DNAH8: variants seen among roughly 807,000 people sequenced by gnomAD.
DNAH8 encodes the protein dynein axonemal heavy chain 8, also known as axonemal beta dynein heavy chain 8.
In DNAH8, 382 loss-of-function variants were observed where a neutral mutation model predicts 562.1. The ratio of observed to expected loss-of-function variants is 0.68; its 90% CI spans 0.63 to 0.74. The LOEUF (loss-of-function observed/expected upper bound fraction) is 0.74, where lower values mean the gene tolerates loss of function less well. Ranked by LOEUF, DNAH8 falls within the 30% of genes least tolerant of loss-of-function variation. The pLI, the probability that DNAH8 is intolerant of heterozygous loss-of-function variation, is 0.00. For missense variants in DNAH8, 5,203 were observed against 5,620.4 expected, an observed-to-expected ratio of 0.93 and a Z score of 2.37; for synonymous variants, 1,881 against 1,919.4, an observed-to-expected ratio of 0.98 and a Z score of 0.52.
intron 58 of DNAH8, among the ~76,000 whole-genome samples, chr6:38,894,171 C>G (rs144192318): frequency 9.1e-4 from 139 of 152,282 alleles, no homozygotes; most frequent in African/African-American, 2.9e-3. Flanking sequence ...TGGATCCACA[C>G]AGTAAAATCC....
chr6:38,857,894 T>G (rs889687645), intron 42 of DNAH8, 152 bp downstream of exon 42: 1 of 610,026 alleles, frequency 1.6e-6, no homozygotes, highest in South Asian at 2.2e-5. Flanking sequence ...TATTTCTGTA[T>G]TGGATGGCTT....
At chr6:39,010,820 C>CGTATGTAT (rs1554163117) in intron 89 of DNAH8, among the ~76,000 whole-genome samples, 101 of 132,828 alleles carry the variant, frequency 7.6e-4, no homozygotes, top group African/African-American at 2.5e-3. Flanking sequence ...CACACACACA[C>CGTATGTAT]GTATGTATGT....
At chr6:38,780,095 A>C in intron 15 of DNAH8, 30 bp downstream of exon 15, 6 of 1,588,012 alleles carry the variant, frequency 3.8e-6, no homozygotes, top group Non-Finnish European at 5.2e-6. Context: ...ATAAAATGGT[A>C]CATTAGCACA....
At chr6:38,774,825 C>T (rs1738265) in intron 12 of DNAH8, among the ~76,000 whole-genome samples, 6 of 152,080 alleles carry the variant, frequency 3.9e-5, no homozygotes, top group East Asian at 3.9e-4. Context: ...ATAGAGCATG[C>T]GCAGCATGCT....
intron 17 of DNAH8, among the ~76,000 whole-genome samples, chr6:38,783,840 G>A (rs1404981700): frequency 1.3e-5 from 2 of 152,072 alleles, no homozygotes; most frequent in Non-Finnish European, 2.9e-5. Context: ...CGTGACCTTG[G>A]TGGACCCCTT....
intron 68 of DNAH8, among the ~76,000 whole-genome samples, chr6:38,916,641 A>G (rs1036472271): frequency 2.6e-5 from 4 of 152,204 alleles, no homozygotes; most frequent in South Asian, 2.1e-4. Context: ...ACTGTAACGT[A>G]CAAAAGGAAG....
chr6:38,786,611 G>A (rs955882223), intron 17 of DNAH8, among the ~76,000 whole-genome samples, 154 bp from the exon 18 acceptor site: 27 of 152,208 alleles, frequency 1.8e-4, no homozygotes, highest in African/African-American at 6.0e-4. Context: ...TATTCACTAT[G>A]TGCCAGACGC....
chr6:38,832,319 T>C lies in DNAH8; in HGVS notation c.4189-3T>C. The stretch of plus-strand genomic sequence containing the variant: ...TCAGGTTGAATATTCTTTTTTATTG[T>C]AGGTTTCAGTACAAGAGGACCTAGT... On this transcript the variant is annotated splice_region_variant and splice_polypyrimidine_tract_variant and intron_variant, in intron 30 of 92. Coordinates refer to ENST00000327475, the MANE Select transcript of DNAH8 (RefSeq NM_001206927.2). 1 of 1,578,698 alleles carries C rather than the reference T, an allele frequency of 6.3e-7. No homozygotes were observed. The highest frequency in any genetic ancestry group is 8.7e-7 in the Non-Finnish European group (1 of 1,150,196).
At position 39,030,711 on chromosome 6, in the gene DNAH8, C is replaced by T. The variant is rs992073032; in HGVS notation, c.*319C>T. On this transcript the variant is annotated 3_prime_UTR_variant, in exon 93 of 93. Coordinates refer to ENST00000327475, the MANE Select transcript of DNAH8 (RefSeq NM_001206927.2). ...AAAATTTGAAAGTGTTGATATGTGACATCCTAAAAAGAGCCTAGTAGTTGT... is the reference window on the plus strand; with the variant it reads ...AAAATTTGAAAGTGTTGATATGTGATATCCTAAAAAGAGCCTAGTAGTTGT... 6.6e-6 allele frequency among the ~76,000 whole-genome samples: 1 copy of T among 152,178 alleles called. No individual in the cohort carries two copies. Among genetic ancestry groups the T allele is most frequent in the Non-Finnish European group, 1.5e-5 (1 of 68,038 alleles).
chr6:38,853,395 A>G, intron 41 of DNAH8, 48 bp downstream of exon 41: 1 of 1,590,956 alleles, frequency 6.3e-7, no homozygotes, highest in Non-Finnish European at 8.6e-7. Flanking sequence ...ATGGAAATAA[A>G]GGGGAAGGAT....
chr6:38,776,041 A>T (rs184781193), intron 13 of DNAH8, 90 bp downstream of exon 13: 110 of 804,412 alleles, frequency 1.4e-4, no homozygotes, highest in African/African-American at 1.3e-3. Context: ...ACATGTAGTA[A>T]GTGTTTCTAT....
At chr6:38,715,875 A>G (rs1207948643) in intron 1 of DNAH8, among the ~76,000 whole-genome samples, 2 of 134,812 alleles carry the variant, frequency 1.5e-5, no homozygotes, top group Non-Finnish European at 3.3e-5. Flanking sequence ...ATCCATGTAA[A>G]AAAACCACCT....
At chr6:38,761,115 T>G (rs1766457735) in intron 10 of DNAH8, among the ~76,000 whole-genome samples, 1 of 150,664 alleles carries the variant, frequency 6.6e-6, no homozygotes, top group South Asian at 2.1e-4. Flanking sequence ...ATTTTAAATT[T>G]TATTATTATT....
chr6:38,873,107 A>C lies in DNAH8; in HGVS notation c.7439A>C (p.Tyr2480Ser). Residue 2480 changes from tyrosine (Y) to serine (S), a missense_variant, in exon 51 of 93, where the codon TAT (tyrosine) becomes TCT (serine). Around this residue, in one of 6 missense-constraint regions of DNAH8, gnomAD observed 977 missense variants for 1,061.8 expected, o/e 0.92. Transcript: ENST00000327475. ...ACGGTTTCTAGGATGGGCATGGTCT[A>C]TATCAGCAGCTCTGCTCTCAGCTGG... ...PATVSRMGMV[Y>S]ISSSALSWRP... The C allele has an allele frequency of 6.2e-7, 1 of 1,613,906 alleles. No individual in the cohort carries two copies. Among genetic ancestry groups the C allele is most frequent in the South Asian group, 1.1e-5 (1 of 91,078 alleles).
chr6:38,950,257 A>G (rs1376284479), intron 81 of DNAH8, among the ~76,000 whole-genome samples: 1 of 151,380 alleles, frequency 6.6e-6, no homozygotes, highest in African/African-American at 2.4e-5. Flanking sequence ...GGAGTAAAGC[A>G]GGGGAGATGA....
chr6:38,741,612 A>C, intron 7 of DNAH8, 99 bp from the exon 8 acceptor site: 2 of 1,010,768 alleles, frequency 2.0e-6, no homozygotes, highest in Non-Finnish European at 2.8e-6. Flanking sequence ...TTGGTATTGA[A>C]CATTATTTAT....
chr6:38,828,172 T>G lies in DNAH8; in HGVS notation c.4084-12T>G, dbSNP rs778035151. ...CCTTGTGATATTTCTAAACTCCACC[T>G]TCATCCTGCAGGAAGCCTATGCTAT... On this transcript the variant is annotated splice_polypyrimidine_tract_variant and intron_variant, in intron 29 of 92. Transcript: ENST00000327475. The G allele has an allele frequency of 6.4e-7, 1 of 1,558,438 alleles. No individual in the cohort carries two copies. Among genetic ancestry groups the G allele is most frequent in the African/African-American group, 1.4e-5 (1 of 73,048 alleles).
chr6:38,800,108 T>C (rs1770642803), intron 21 of DNAH8, among the ~76,000 whole-genome samples: 2 of 149,164 alleles, frequency 1.3e-5, no homozygotes, highest in South Asian at 4.4e-4. Context: ...TATTCCATTG[T>C]ATGGTTATGC....
intron 53 of DNAH8, among the ~76,000 whole-genome samples, chr6:38,882,584 G>A (rs1035406034): frequency 6.6e-6 from 1 of 152,138 alleles, no homozygotes; most frequent in Admixed American, 6.5e-5. Context: ...GGAGAAGGGT[G>A]AGGATCAAAA....
Sources: gnomAD v4.1 joint callset for allele counts (sites outside exome capture counted in the v4.1 genomes callset) on GRCh38, gnomAD v4.1.1 for gene constraint, gnomAD v4.1.1 regional missense constraint, MANE v1.5 for transcripts, NCBI Gene and HGNC (gene_info 2026-07-23, HGNC 2026-07-21) for gene names.